The following REEP5 variants were observed in gnomAD, a reference collection of about 807,000 sequenced individuals.
REEP5 encodes the protein receptor accessory protein 5, also known as receptor expression-enhancing protein 5.
Under a neutral mutation model 22.4 loss-of-function variants are expected in REEP5, and 24 were observed. That is an observed-to-expected ratio of 1.07 (90% confidence interval 0.78 to 1.51). The LOEUF is 1.51. Among genes scored for constraint, REEP5 ranks in the 40% most tolerant of loss-of-function variants. The pLI is 0.00. For synonymous variants in REEP5, 103 were observed against 88.6 expected (o/e 1.16, Z -0.92); for missense variants, 252 against 233.0 (o/e 1.08, Z -0.53).
chr5:112,913,031 C>A (rs1300157771), intron 2 of REEP5, among the ~76,000 whole-genome samples: 1 of 152,202 alleles, frequency 6.6e-6, no homozygotes, highest in Non-Finnish European at 1.5e-5. Flanking sequence ...TGACCGGGCA[C>A]AGTGGCTCAT....
Position 112,892,131 on chromosome 5 carries a change from C to T in REEP5, c.352-4948G>A, listed in dbSNP as rs377229917. 218 of 1,614,128 alleles carry T rather than the reference C, an allele frequency of 1.4e-4. No individual in the cohort carries two copies. The South Asian group carries it at 2.1e-3, about 16-fold the overall frequency. On this transcript the variant is annotated intron_variant, in intron 3 of 4. Transcript: ENST00000379638. ...CCACATGGCAAAACCCAGAACCACC[C>T]GTGGATTTCAGAGTAATGGAGAAGG...
rs545274326 is a variant in REEP5, at chr5:112,885,224, C to G, written c.520+1791G>C. 6 of 165,202 alleles carry G rather than the reference C, an allele frequency of 3.6e-5. No individual in the cohort carries two copies. In the South Asian group the frequency reaches 7.8e-4, roughly 21 times the overall value. 10.2% of individuals were successfully genotyped at this position (165,202 alleles called of 1,614,324 possible). On this transcript the variant is annotated intron_variant, in intron 4 of 4. Transcript: ENST00000379638. The stretch of plus-strand genomic sequence containing the variant: ...TGAGTGCTGTGGGGGTGGGGAGCCC[C>G]AAGGAGAAGGCACTGAGGAGGAAAA...
intron 2 of REEP5, among the ~76,000 whole-genome samples, chr5:112,918,151 T>C (rs1769271342): frequency 6.6e-6 from 1 of 152,156 alleles, no homozygotes; most frequent in South Asian, 2.1e-4. Flanking sequence ...CCGAATTGCC[T>C]ATATAAGATG....
At chr5:112,879,641 T>A (rs1206176156) in intron 4 of REEP5, among the ~76,000 whole-genome samples, 1 of 151,146 alleles carries the variant, frequency 6.6e-6, no homozygotes, top group African/African-American at 2.4e-5. Context: ...GCCCAGCTAA[T>A]TTTTTTTTGT....
At chr5:112,913,370 GAAGA>G (rs1194547663) in intron 2 of REEP5, among the ~76,000 whole-genome samples, 29 of 97,108 alleles carry the variant, frequency 3.0e-4, no homozygotes, top group African/African-American at 1.1e-3. Flanking sequence ...AGGAAAGAAA[GAAGA>G]AAGAAAGAGA....
At chr5:112,902,042 CAAGAT>C (rs1406819214) in intron 3 of REEP5, among the ~76,000 whole-genome samples, 1 of 151,210 alleles carries the variant, frequency 6.6e-6, no homozygotes, top group African/African-American at 2.4e-5. Flanking sequence ...AACTAAAACT[CAAGAT>C]ACTACCATTT....
In REEP5 at chr5:112,887,040, C is replaced by G. The variant is rs200322705; in HGVS notation, c.495G>C (p.Glu165Asp). Residue 165 changes from glutamate (E) to aspartate (D), a missense_variant, in exon 4 of 5, where the codon GAG becomes GAC. By Grantham distance (45) the Glu-to-Asp change is conservative (BLOSUM62 2). Transcript: ENST00000379638. ...CTTCTTTAGTGATGGCATCTGCAGT[C>G]TCTTTGGCCTTGTCTTTAAGGTCCT... Reference protein sequence around the residue: ...VVKDLKDKAKETADAITKEAK... With the variant: ...VVKDLKDKAKDTADAITKEAK... The G allele has an allele frequency of 2.5e-6, 4 of 1,612,336 alleles. No individual in the cohort carries two copies. Among genetic ancestry groups the G allele is most frequent in the Non-Finnish European group, 3.4e-6 (4 of 1,178,824 alleles).
intron 3 of REEP5, among the ~76,000 whole-genome samples, chr5:112,900,089 C>G (rs1299156607): frequency 6.6e-6 from 1 of 152,226 alleles, no homozygotes; most frequent in Admixed American, 6.5e-5. Context: ...TGGGATTTCA[C>G]TATTTTAACT....
intron 2 of REEP5, among the ~76,000 whole-genome samples, chr5:112,904,521 T>G (rs1768913301): frequency 1.3e-5 from 2 of 152,336 alleles, no homozygotes; most frequent in Non-Finnish European, 2.9e-5. Context: ...AAGAAGCAAC[T>G]CTCAGGACAC....
At chr5:112,895,743 T>G (rs940556072) in intron 3 of REEP5, 1 of 152,240 alleles carries the variant, frequency 6.6e-6, no homozygotes, top group Non-Finnish European at 1.5e-5. Context: ...CAACCCTCTC[T>G]TCTTAATCTG....
chr5:112,898,113 ACTTC>A (rs1392610158), intron 3 of REEP5: 14 of 152,238 alleles, frequency 9.2e-5, no homozygotes, highest in African/African-American at 3.4e-4. Flanking sequence ...TCTTTCCCAC[ACTTC>A]CAGTCAGCAT....
intron 2 of REEP5, among the ~76,000 whole-genome samples, chr5:112,920,145 G>C (rs1302302438): frequency 6.6e-6 from 1 of 152,122 alleles, no homozygotes; most frequent in Non-Finnish European, 1.5e-5. Flanking sequence ...GTCTGTACCG[G>C]ACTAACACAG....
chr5:112,913,831 C>A (rs1427153033), intron 2 of REEP5, among the ~76,000 whole-genome samples: 1 of 152,156 alleles, frequency 6.6e-6, no homozygotes, highest in Non-Finnish European at 1.5e-5. Context: ...ATTTCCACAT[C>A]TGTTACAGGT....
intron 2 of REEP5, among the ~76,000 whole-genome samples, chr5:112,919,180 C>G (rs1050203930): frequency 6.6e-6 from 1 of 152,148 alleles, no homozygotes; most frequent in Non-Finnish European, 1.5e-5. Flanking sequence ...TTGTGTTCCC[C>G]CAACATCCAT....
At chr5:112,886,417 T>G (rs1426181726) in intron 4 of REEP5, among the ~76,000 whole-genome samples, 1 of 152,244 alleles carries the variant, frequency 6.6e-6, no homozygotes, top group Non-Finnish European at 1.5e-5. Flanking sequence ...ATGGAATTCA[T>G]GAATGGCTCT....
intron 3 of REEP5, among the ~76,000 whole-genome samples, chr5:112,888,015 A>G (rs1281460163): frequency 2.6e-5 from 4 of 152,220 alleles, no homozygotes; most frequent in Admixed American, 6.5e-5. Flanking sequence ...CAATATACTG[A>G]GTTATTTTAG....
At chr5:112,917,915 C>T (rs967502424) in intron 2 of REEP5, among the ~76,000 whole-genome samples, 3 of 152,138 alleles carry the variant, frequency 2.0e-5, no homozygotes, top group African/African-American at 7.2e-5. Context: ...TGGAATTAGA[C>T]AGTGGTGATG....
intron 4 of REEP5, among the ~76,000 whole-genome samples, chr5:112,882,714 T>C (rs1166416385): frequency 6.6e-6 from 1 of 152,208 alleles, no homozygotes; most frequent in Non-Finnish European, 1.5e-5. Context: ...GAAGAGTAGC[T>C]GCAACAGAGA....
At chr5:112,901,851 T>C (rs1768855455) in intron 3 of REEP5, among the ~76,000 whole-genome samples, 1 of 151,766 alleles carries the variant, frequency 6.6e-6, no homozygotes, top group Admixed American at 6.6e-5. Flanking sequence ...TAATCCCTGC[T>C]ACTCAGGAGG....
Sources: gnomAD v4.1 joint callset for allele counts (sites outside exome capture counted in the v4.1 genomes callset) on GRCh38, gnomAD v4.1.1 for gene constraint, MANE v1.5 for transcripts, NCBI Gene and HGNC (gene_info 2026-07-23, HGNC 2026-07-21) for gene names.